Variants in MSRA observed in about 807,000 individuals in gnomAD.
MSRA encodes mitochondrial peptide methionine sulfoxide reductase.
Under a neutral mutation model 31.3 loss-of-function variants are expected in MSRA, and 54 were observed. The ratio of observed to expected loss-of-function variants is 1.73; its 90% CI spans 1.39 to 2.17. The LOEUF (loss-of-function observed/expected upper bound fraction) is 2.17. Among genes scored for constraint, MSRA ranks in the 30% most tolerant of loss-of-function variants. The pLI, the probability that MSRA is intolerant of heterozygous loss-of-function variation, is 0.00. For synonymous variants in MSRA, 169 were observed against 116.5 expected (o/e 1.45, Z -2.90); for missense variants, 507 against 300.9 (o/e 1.69, Z -5.07).
chr8:10,351,754 T>C (rs2129158831), intron 5 of MSRA, among the ~76,000 whole-genome samples: 1 of 152,306 alleles, frequency 6.6e-6, no homozygotes, highest in East Asian at 1.9e-4. Context: ...AGGCAGTACT[T>C]CTCAAACTTT....
At chr8:10,295,267 G>C (rs994252306) in intron 3 of MSRA, among the ~76,000 whole-genome samples, 4 of 152,044 alleles carry the variant, frequency 2.6e-5, no homozygotes, top group African/African-American at 7.2e-5. Context: ...TGACTTCAAG[G>C]CTCAAGCAGT....
intron 1 of MSRA, among the ~76,000 whole-genome samples, chr8:10,112,638 C>A (rs200583724): frequency 6.6e-6 from 1 of 152,214 alleles, no homozygotes; most frequent in African/African-American, 2.4e-5. Flanking sequence ...AGCTCCCTGT[C>A]TTGTAAAACT....
chr8:10,248,376 G>T (rs1023180928), intron 3 of MSRA, among the ~76,000 whole-genome samples: 9 of 152,092 alleles, frequency 5.9e-5, no homozygotes, highest in African/African-American at 1.9e-4. Context: ...TAGGAGGAGG[G>T]GTTAACAGAA....
chr8:10,350,486 A>C (rs149166620), intron 5 of MSRA, among the ~76,000 whole-genome samples: 4 of 152,094 alleles, frequency 2.6e-5, no homozygotes, highest in Non-Finnish European at 5.9e-5. Context: ...AGCCCTTCCT[A>C]CTCTGACATC....
At chr8:10,381,144 G>C (rs1271440186) in intron 5 of MSRA, among the ~76,000 whole-genome samples, 2 of 152,152 alleles carry the variant, frequency 1.3e-5, no homozygotes, top group Non-Finnish European at 2.9e-5. Context: ...GACTTCCCCA[G>C]TGGTCTCTCC....
At chr8:10,109,074 G>A (rs116758804) in intron 1 of MSRA, among the ~76,000 whole-genome samples, 10 of 152,148 alleles carry the variant, frequency 6.6e-5, no homozygotes, top group Non-Finnish European at 1.3e-4. Flanking sequence ...TCTGGCCAGC[G>A]CATTCCCTTT....
chr8:10,267,774 T>G (rs1293217109), intron 3 of MSRA, among the ~76,000 whole-genome samples: 2 of 152,114 alleles, frequency 1.3e-5, no homozygotes, highest in African/African-American at 2.4e-5. Flanking sequence ...ATCCTTCTGG[T>G]GTACCCAAGT....
rs1470799497 is a variant in MSRA, at chr8:10,268,713, G to C, written c.331+23490G>C. On this transcript the variant is annotated intron_variant, in intron 3 of 5. Coordinates refer to ENST00000317173, the MANE Select transcript of MSRA (RefSeq NM_012331.5). ...GAGTTCTTTCCCCATCATGGGATTT[G>C]AATATGGGCCTGTGGCCCCAGGTTT... 2.0e-5 allele frequency among the ~76,000 whole-genome samples: 3 copies of C among 152,252 alleles called. No homozygotes were observed. The East Asian group carries it at 5.8e-4, about 29-fold the overall frequency.
chr8:10,162,777 C>T (rs1452575193), intron 1 of MSRA, among the ~76,000 whole-genome samples: 1 of 152,104 alleles, frequency 6.6e-6, no homozygotes, highest in Non-Finnish European at 1.5e-5. Flanking sequence ...AAACCATTAC[C>T]ATTTGTAGAT....
intron 1 of MSRA, among the ~76,000 whole-genome samples, chr8:10,073,250 G>C (rs1302273133): frequency 6.6e-6 from 1 of 152,140 alleles, no homozygotes; most frequent in Non-Finnish European, 1.5e-5. Context: ...TCAGCTGTAG[G>C]CTTTTTTGCA....
chr8:10,208,368 G>A (rs1355381674), intron 2 of MSRA, among the ~76,000 whole-genome samples: 4 of 152,152 alleles, frequency 2.6e-5, no homozygotes, highest in Non-Finnish European at 4.4e-5. Context: ...AATTAAAAAT[G>A]TTTTCAGCAA....
chr8:10,120,482 C>T (rs1384179241), intron 1 of MSRA, among the ~76,000 whole-genome samples: 4 of 152,190 alleles, frequency 2.6e-5, no homozygotes, highest in African/African-American at 9.7e-5. Context: ...CTGTGTATGG[C>T]TCAGTCACTT....
rs139804528 is a variant in MSRA at position 10,304,369 on chromosome 8, C to T, written c.436+2731C>T. On this transcript the variant is annotated intron_variant, in intron 4 of 5. Transcript: ENST00000317173. ...AATATGCTGAGATCAAGTGAGCATA[C>T]AGATAAATGCGCATAAGACCACAGG... Among the ~76,000 whole-genome samples the T allele has an allele frequency of 2.0e-3, 305 of 152,258 alleles. 1 individual carries two copies. Among genetic ancestry groups the T allele is most frequent in the African/African-American group, 6.8e-3 (283 of 41,550 alleles).
intron 1 of MSRA, among the ~76,000 whole-genome samples, chr8:10,116,705 T>A (rs186430925): frequency 1.3e-5 from 2 of 152,042 alleles, no homozygotes; most frequent in African/African-American, 4.8e-5. Context: ...TACAGGCTCA[T>A]GCCTGTAATC....
chr8:10,230,786 T>A (rs536845649), intron 2 of MSRA, among the ~76,000 whole-genome samples: 5 of 152,164 alleles, frequency 3.3e-5, no homozygotes, highest in African/African-American at 1.2e-4. Flanking sequence ...GGTTTGTTGT[T>A]GTTGTGGTTT....
At chr8:10,345,614 A>G (rs1041912998) in intron 5 of MSRA, among the ~76,000 whole-genome samples, 1 of 152,244 alleles carries the variant, frequency 6.6e-6, no homozygotes, top group East Asian at 1.9e-4. Flanking sequence ...AATAATAATT[A>G]TGAAGAATTC....
At chr8:10,289,589 A>G (rs970229356) in intron 3 of MSRA, among the ~76,000 whole-genome samples, 2 of 152,196 alleles carry the variant, frequency 1.3e-5, no homozygotes, top group Non-Finnish European at 2.9e-5. Context: ...CTGTTGTGCT[A>G]TCAAATGGTA....
intron 1 of MSRA, among the ~76,000 whole-genome samples, chr8:10,194,068 G>C: frequency 6.6e-6 from 1 of 152,152 alleles, no homozygotes; most frequent in East Asian, 1.9e-4. Context: ...AAGGATGAGA[G>C]GGAAGAGGGA....
At chr8:10,363,723 A>C (rs1804988700) in intron 5 of MSRA, among the ~76,000 whole-genome samples, 1 of 61,466 alleles carries the variant, frequency 1.6e-5, no homozygotes, top group Admixed American at 2.4e-4. Flanking sequence ...TGGGCAACCA[A>C]GCAAGATGCA....
Sources: gnomAD v4.1 joint callset for allele counts (sites outside exome capture counted in the v4.1 genomes callset) on GRCh38, gnomAD v4.1.1 for gene constraint, MANE v1.5 for transcripts, NCBI Gene and HGNC (gene_info 2026-07-23, HGNC 2026-07-21) for gene names.